The following AMPH variants were observed in gnomAD, a reference collection of about 807,000 sequenced individuals.
The protein encoded by AMPH is amphiphysin, also known as amphiphysin (Stiff-Mann syndrome with breast cancer 128kD autoantigen).
AMPH carries 49 observed loss-of-function variants against 99.1 expected under a neutral mutation model. That is an observed-to-expected ratio of 0.49 (90% CI 0.39 to 0.63). AMPH has a LOEUF of 0.63. AMPH is among the 20% of genes least tolerant of loss of function. The pLI is 0.00. For synonymous variants in AMPH, 314 were observed against 317.3 expected (o/e 0.99, Z 0.11); for missense variants, 759 against 863.4 (o/e 0.88, Z 1.52).
chr7:38,497,481 A>T (rs1788974659), intron 3 of AMPH, among the ~76,000 whole-genome samples: 5 of 152,222 alleles, frequency 3.3e-5, no homozygotes, highest in Admixed American at 6.5e-5. Context: ...AACATTGTCT[A>T]TTCCCATTTG....
At chr7:38,619,146 C>CA (rs1793969732) in intron 1 of AMPH, among the ~76,000 whole-genome samples, 1 of 152,060 alleles carries the variant, frequency 6.6e-6, no homozygotes. Context: ...GAGTTATGAT[C>CA]GTGCCTGTAC....
intron 1 of AMPH, among the ~76,000 whole-genome samples, chr7:38,624,191 T>C (rs1046318086): frequency 2.0e-5 from 3 of 152,100 alleles, no homozygotes; most frequent in Admixed American, 6.5e-5. Context: ...ACTGAGTACA[T>C]ACAATTCGCA....
In AMPH at chr7:38,392,377, C is replaced by CTTTTTTTTTTT. The variant is rs574057389; in HGVS notation, c.1609-371_1609-361dup. 1.1e-3 allele frequency among the ~76,000 whole-genome samples: 45 copies of CTTTTTTTTTTT among 42,048 alleles called. 9 individuals carry two copies. Among genetic ancestry groups the CTTTTTTTTTTT allele is most frequent in the East Asian group, 1.9e-3 (2 of 1,064 alleles). 27.6% of individuals were successfully genotyped at this position (42,048 alleles called of 152,430 possible). Reference sequence around the variant, plus strand: ...GGAGTCAATGCAGGCCGGCCTGGTTCTTTTTTTTTTTTTTTTTTTTTTTTT... The same window carrying CTTTTTTTTTTT: ...GGAGTCAATGCAGGCCGGCCTGGTTCTTTTTTTTTTTTTTTTTTTTTTTTTTTTTTTTTTTT... On this transcript the variant is annotated intron_variant, in intron 18 of 20. Transcript: ENST00000356264.
chr7:38,473,986 AG>A (rs1787990447), intron 7 of AMPH, among the ~76,000 whole-genome samples: 1 of 152,088 alleles, frequency 6.6e-6, no homozygotes, highest in Admixed American at 6.5e-5. Context: ...AGCAGGCCAC[AG>A]AGATGTCAAG....
chr7:38,604,268 G>A (rs573309890), intron 1 of AMPH, among the ~76,000 whole-genome samples: 14 of 152,286 alleles, frequency 9.2e-5, no homozygotes, highest in South Asian at 6.2e-4. Context: ...TCTAGAAAAC[G>A]AATAATCATA....
intron 1 of AMPH, among the ~76,000 whole-genome samples, chr7:38,547,155 C>T (rs1791022341): frequency 6.6e-6 from 1 of 152,102 alleles, no homozygotes; most frequent in Non-Finnish European, 1.5e-5. Flanking sequence ...AAGCTCCCTC[C>T]CCTTGCTTTT....
chr7:38,615,340 T>C (rs545436173), intron 1 of AMPH, among the ~76,000 whole-genome samples: 8 of 152,266 alleles, frequency 5.3e-5, no homozygotes, highest in African/African-American at 1.9e-4. Flanking sequence ...TTATTCTAAC[T>C]GGACTTGGCA....
chr7:38,517,109 T>G (rs1789776502), intron 2 of AMPH, among the ~76,000 whole-genome samples: 1 of 152,232 alleles, frequency 6.6e-6, no homozygotes, highest in African/African-American at 2.4e-5. Context: ...ACTTTTGAGT[T>G]AATGCTGAAA....
chr7:38,532,393 C>T (rs1469799846), intron 2 of AMPH, among the ~76,000 whole-genome samples: 1 of 152,132 alleles, frequency 6.6e-6, no homozygotes, highest in East Asian at 1.9e-4. Context: ...ATAACATTCC[C>T]TATATTAACA....
intron 1 of AMPH, among the ~76,000 whole-genome samples, chr7:38,596,490 G>A (rs1584286977): frequency 6.6e-6 from 1 of 152,252 alleles, no homozygotes; most frequent in South Asian, 2.1e-4. Context: ...GACATGAAAG[G>A]GAGAGGGCAG....
intron 9 of AMPH, 148 bp from the exon 10 acceptor site, chr7:38,463,261 C>A: frequency 9.8e-7 from 1 of 1,017,256 alleles, no homozygotes; most frequent in Non-Finnish European, 1.5e-6. Context: ...TGGTTAATTG[C>A]AACAGTGATG....
At chr7:38,606,646 C>T (rs1793446594) in intron 1 of AMPH, among the ~76,000 whole-genome samples, 2 of 142,396 alleles carry the variant, frequency 1.4e-5, no homozygotes, top group Admixed American at 7.5e-5. Context: ...AATCTCAGCT[C>T]ATTACAGCTT....
intron 10 of AMPH, among the ~76,000 whole-genome samples, chr7:38,462,316 A>G (rs1044193556): frequency 6.6e-6 from 1 of 152,184 alleles, no homozygotes; most frequent in Non-Finnish European, 1.5e-5. Context: ...CGATGGGTTT[A>G]TCAGGACACA....
In AMPH at chr7:38,521,013, A is replaced by C. The variant is rs3807402; in HGVS notation, c.150+13918T>G. 2.2e-4 allele frequency among the ~76,000 whole-genome samples: 33 copies of C among 152,360 alleles called. 2 individuals carry two copies. The East Asian group carries it at 6.4e-3, about 29-fold the overall frequency. ...AGCTCTGCCAAAAACTAAAAGGGGA[A>C]GTGTGATCAAATCCTTAGGGATGGC... On this transcript the variant is annotated intron_variant, in intron 2 of 20. Transcript: ENST00000356264.
At chr7:38,582,641 A>G (rs1792508736) in intron 1 of AMPH, among the ~76,000 whole-genome samples, 2 of 152,216 alleles carry the variant, frequency 1.3e-5, no homozygotes, top group Admixed American at 1.3e-4. Flanking sequence ...AACCAAAATA[A>G]ACTACAATTC....
intron 2 of AMPH, among the ~76,000 whole-genome samples, chr7:38,534,608 T>C (rs1790530065): frequency 6.6e-6 from 1 of 152,144 alleles, no homozygotes; most frequent in Admixed American, 6.6e-5. Context: ...CCAAGGATGT[T>C]GAGGCTGAAG....
intron 7 of AMPH, among the ~76,000 whole-genome samples, chr7:38,473,456 G>A (rs1371456377): frequency 3.0e-5 from 2 of 66,240 alleles, no homozygotes; most frequent in African/African-American, 7.0e-5. Context: ...TGTAATCCCA[G>A]CACTTTGGGA....
chr7:38,429,453 G>A (rs1165926423), intron 14 of AMPH: 1 of 1,299,344 alleles, frequency 7.7e-7, no homozygotes, highest in Non-Finnish European at 1.0e-6. Flanking sequence ...GTCTGTACTA[G>A]CGTCAGGGCC....
intron 17 of AMPH, among the ~76,000 whole-genome samples, chr7:38,395,727 A>C (rs922780970): frequency 6.6e-6 from 1 of 152,242 alleles, no homozygotes; most frequent in Non-Finnish European, 1.5e-5. Flanking sequence ...TCAACATCTT[A>C]AGTTAGGAAG....
Sources: gnomAD v4.1 joint callset for allele counts (sites outside exome capture counted in the v4.1 genomes callset) on GRCh38, gnomAD v4.1.1 for gene constraint, MANE v1.5 for transcripts, NCBI Gene and HGNC (gene_info 2026-07-23, HGNC 2026-07-21) for gene names.